Variants in KATNAL1 observed in about 807,000 individuals in gnomAD.
The protein encoded by KATNAL1 is katanin p60 ATPase-containing subunit A-like 1.
KATNAL1 carries 32 observed loss-of-function variants against 55.2 expected under a neutral mutation model. The ratio of observed to expected loss-of-function variants is 0.58; its 90% confidence interval spans 0.44 to 0.78. The LOEUF (loss-of-function observed/expected upper bound fraction) is 0.78, where lower values mean the gene tolerates loss of function less well. Among genes scored for constraint, KATNAL1 ranks in the 30% least tolerant of loss-of-function variants. The probability of loss-of-function intolerance (pLI) is 0.00; values close to 1 mark genes in which losing one functional copy is unlikely to be tolerated. For missense variants in KATNAL1, 466 were observed against 600.9 expected (o/e 0.78, Z 2.35); for synonymous variants, 193 against 193.6 (o/e 1.00, Z 0.02).
At chr13:30,246,463 C>T (rs1165062997) in intron 4 of KATNAL1, among the ~76,000 whole-genome samples, 1 of 152,106 alleles carries the variant, frequency 6.6e-6, no homozygotes, top group Admixed American at 6.6e-5. Flanking sequence ...TAGGCAATAC[C>T]ATTCAGGACA....
chr13:30,305,318 C>T (rs1883111341), intron 1 of KATNAL1, among the ~76,000 whole-genome samples: 1 of 152,248 alleles, frequency 6.6e-6, no homozygotes, highest in Admixed American at 6.5e-5. Context: ...ACTGATTCTT[C>T]AATCTATCCT....
chr13:30,272,105 T>C (rs1409176248), intron 3 of KATNAL1, among the ~76,000 whole-genome samples: 1 of 152,056 alleles, frequency 6.6e-6, no homozygotes, highest in Non-Finnish European at 1.5e-5. Flanking sequence ...TTTCTTGTAA[T>C]TAAGAAAAAA....
At chr13:30,226,704 C>T (rs912709618) in intron 9 of KATNAL1, among the ~76,000 whole-genome samples, 4 of 152,172 alleles carry the variant, frequency 2.6e-5, no homozygotes, top group African/African-American at 7.2e-5. Context: ...AAGTACATTT[C>T]ATTGTATGTA....
chr13:30,280,151 C>T lies in KATNAL1; in HGVS notation c.235G>A (p.Asp79Asn). 1.2e-6 allele frequency: 2 copies of T among 1,613,018 alleles called. No homozygotes were observed. Among genetic ancestry groups the T allele is most frequent in the Non-Finnish European group, 1.7e-6 (2 of 1,179,554 alleles). The stretch of plus-strand genomic sequence containing the variant: ...GACACAGGGAAATCTGGAGGCTTGT[C>T]AATTTTAAAACTTTCTAAAGTGCTG... ...IVSTLESFKI[D>N]KPPDFPVSCQ... The change falls in exon 3 of 11, where the codon GAC becomes AAC. Residue 79 changes from aspartate to asparagine, a missense_variant. Around this residue, in one of 3 missense-constraint regions of KATNAL1, gnomAD observed 248 missense variants for 275.5 expected, o/e 0.90. Coordinates refer to ENST00000380615, the MANE Select transcript of KATNAL1 (RefSeq NM_032116.5).
chr13:30,233,966 A>C (rs983213282), intron 6 of KATNAL1, among the ~76,000 whole-genome samples: 1 of 152,188 alleles, frequency 6.6e-6, no homozygotes, highest in Non-Finnish European at 1.5e-5. Context: ...GAATTAAGAG[A>C]GGCTGATTAA....
intron 3 of KATNAL1, among the ~76,000 whole-genome samples, chr13:30,269,289 G>T (rs1880045907): frequency 6.6e-6 from 1 of 152,238 alleles, no homozygotes; most frequent in South Asian, 2.1e-4. Context: ...TCGCTGTGTT[G>T]GCCGGGCTGG....
At chr13:30,279,449 T>G (rs1216278999) in intron 3 of KATNAL1, among the ~76,000 whole-genome samples, 5 of 152,016 alleles carry the variant, frequency 3.3e-5, no homozygotes, top group Admixed American at 2.0e-4. Flanking sequence ...GAATATGAGT[T>G]GTTTGGAGAT....
chr13:30,280,799 T>C (rs1234502803), intron 2 of KATNAL1, among the ~76,000 whole-genome samples: 1 of 152,202 alleles, frequency 6.6e-6, no homozygotes, highest in African/African-American at 2.4e-5. Flanking sequence ...GTAAAGTTTA[T>C]TTTGATTTCA....
intron 7 of KATNAL1, 95 bp downstream of exon 7, chr13:30,231,219 C>T: frequency 1.0e-6 from 1 of 999,680 alleles, no homozygotes; most frequent in African/African-American, 1.6e-5. Flanking sequence ...CTACACTGCC[C>T]TTTTCAAAAA....
intron 9 of KATNAL1, among the ~76,000 whole-genome samples, chr13:30,219,919 T>C (rs1166727127): frequency 6.6e-6 from 1 of 152,238 alleles, no homozygotes; most frequent in African/African-American, 2.4e-5. Context: ...TTTCCCCTAA[T>C]ACCTAAGCTT....
intron 1 of KATNAL1, among the ~76,000 whole-genome samples, chr13:30,295,105 C>T (rs1350111855): frequency 2.6e-5 from 4 of 152,200 alleles, no homozygotes; most frequent in Admixed American, 2.0e-4. Flanking sequence ...ATCCATTCTG[C>T]AGGCCATGGA....
At chr13:30,305,477 T>C (rs1883121409) in intron 1 of KATNAL1, among the ~76,000 whole-genome samples, 1 of 152,216 alleles carries the variant, frequency 6.6e-6, no homozygotes, top group Non-Finnish European at 1.5e-5. Context: ...AGGATCTTTC[T>C]ACTAAATGAC....
intron 3 of KATNAL1, among the ~76,000 whole-genome samples, chr13:30,270,500 G>A (rs1364878458): frequency 1.3e-5 from 2 of 152,060 alleles, no homozygotes; most frequent in Non-Finnish European, 2.9e-5. Context: ...GTGGGGAAAA[G>A]ATTGAGAAAT....
chr13:30,278,660 A>G (rs2137526744), intron 3 of KATNAL1, among the ~76,000 whole-genome samples: 1 of 152,370 alleles, frequency 6.6e-6, no homozygotes, highest in East Asian at 1.9e-4. Context: ...TGAAGTTATT[A>G]TCAGCTCTTA....
chr13:30,274,676 A>G (rs778492975), intron 3 of KATNAL1, among the ~76,000 whole-genome samples: 5 of 152,196 alleles, frequency 3.3e-5, no homozygotes, highest in Non-Finnish European at 7.3e-5. Context: ...GAGTCCTCAA[A>G]AAATTAAATA....
intron 3 of KATNAL1, among the ~76,000 whole-genome samples, chr13:30,266,146 G>T (rs1374186686): frequency 6.6e-6 from 1 of 151,852 alleles, no homozygotes; most frequent in African/African-American, 2.4e-5. Flanking sequence ...GGGATTACAG[G>T]AATGTGCCAC....
chr13:30,257,817 CT>C (rs1396305935), intron 3 of KATNAL1, among the ~76,000 whole-genome samples: 1 of 152,208 alleles, frequency 6.6e-6, no homozygotes, highest in African/African-American at 2.4e-5. Flanking sequence ...GGCAAGGCCC[CT>C]GTCTCATAGG....
chr13:30,237,155 C>T (rs889457200), intron 6 of KATNAL1, among the ~76,000 whole-genome samples: 5 of 152,200 alleles, frequency 3.3e-5, no homozygotes, highest in African/African-American at 1.2e-4. Context: ...TTCTTGGGGG[C>T]TATTATTCAC....
At chr13:30,230,112 A>C (rs1875943469) in intron 8 of KATNAL1, among the ~76,000 whole-genome samples, 1 of 152,190 alleles carries the variant, frequency 6.6e-6, no homozygotes, top group Admixed American at 6.5e-5. Flanking sequence ...GTGAAAAAGA[A>C]AAGGCAAACA....
Sources: allele counts gnomAD v4.1 joint callset (sites outside exome capture counted in the v4.1 genomes callset), GRCh38; gene constraint gnomAD v4.1.1; regional missense constraint gnomAD v4.1.1; transcripts MANE v1.5; gene names NCBI Gene and HGNC (gene_info 2026-07-23, HGNC 2026-07-21).